The following SLC7A5 variants were observed in gnomAD, a reference collection of about 807,000 sequenced individuals.
The protein encoded by SLC7A5 is solute carrier family 7 member 5.
Under a neutral mutation model 50.2 loss-of-function variants are expected in SLC7A5, and 23 were observed. The ratio of observed to expected loss-of-function variants is 0.46; its 90% CI spans 0.33 to 0.65. SLC7A5 has a LOEUF of 0.65. Ranked by LOEUF, SLC7A5 falls within the 30% of genes least tolerant of loss-of-function variation. SLC7A5 has a pLI of 0.02. For synonymous variants in SLC7A5, 393 were observed against 330.6 expected, an observed-to-expected ratio of 1.19 and a Z score of -2.05; for missense variants, 578 against 684.4, an observed-to-expected ratio of 0.84 and a Z score of 1.73.
Position 87,850,633 on chromosome 16 carries a change from C to G in SLC7A5, c.664+1091G>C, listed in dbSNP as rs187256720. Among the ~76,000 whole-genome samples, 211 of 152,302 alleles carry G rather than the reference C, an allele frequency of 1.4e-3. 1 individual carries two copies. The highest frequency in any genetic ancestry group is 4.9e-3 in the African/African-American group (203 of 41,562). On this transcript the variant is annotated intron_variant, in intron 2 of 9. Coordinates refer to ENST00000261622, the MANE Select transcript of SLC7A5 (RefSeq NM_003486.7). ...TAACTGCTCTGCTCCTAGGCTGGCT[C>G]CAACATGGATGGAGACAAACTCAGA...
intron 1 of SLC7A5, among the ~76,000 whole-genome samples, chr16:87,859,405 C>G (rs57456556): frequency 0.22 from 33,102 of 152,140 alleles, 3,833 homozygotes; most frequent in Middle Eastern, 0.28. Flanking sequence ...AGGGACAAAG[C>G]TGGACTGGCC....
intron 2 of SLC7A5, among the ~76,000 whole-genome samples, chr16:87,848,266 T>A (rs1234753396): frequency 6.6e-6 from 1 of 152,246 alleles, no homozygotes; most frequent in Non-Finnish European, 1.5e-5. Flanking sequence ...GAGAGATTAG[T>A]TTGTTCTGCC....
At chr16:87,847,189 C>G (rs970935545) in intron 2 of SLC7A5, among the ~76,000 whole-genome samples, 1 of 152,210 alleles carries the variant, frequency 6.6e-6, no homozygotes, top group African/African-American at 2.4e-5. Flanking sequence ...AGGGGGGCTT[C>G]TCAGTCCACG....
chr16:87,864,697 G>C (rs1449911658), intron 1 of SLC7A5, among the ~76,000 whole-genome samples: 2 of 152,216 alleles, frequency 1.3e-5, no homozygotes, highest in Admixed American at 1.3e-4. Context: ...TAGGCTCCCT[G>C]CTGAGTCCTG....
At chr16:87,863,792 C>G (rs549093313) in intron 1 of SLC7A5, among the ~76,000 whole-genome samples, 6 of 151,712 alleles carry the variant, frequency 4.0e-5, no homozygotes, top group African/African-American at 1.5e-4. Context: ...AGACAGCCAG[C>G]AAAACTGAGA....
rs1424608563 is a variant in SLC7A5, at chr16:87,867,176, T to A, written c.538+1709A>T. 2.6e-5 allele frequency among the ~76,000 whole-genome samples: 4 copies of A among 152,176 alleles called. No individual in the cohort carries two copies. In the East Asian group the frequency reaches 7.7e-4, roughly 29 times the overall value. On this transcript the variant is annotated intron_variant, in intron 1 of 9. Coordinates refer to ENST00000261622, the MANE Select transcript of SLC7A5 (RefSeq NM_003486.7). ...CTCGGTAGATCCGCCCGTCTCGGCC[T>A]CCCAAAGTGCTGGGATTATAGGCGT...
chr16:87,845,307 G>A (rs1249833712), intron 2 of SLC7A5, among the ~76,000 whole-genome samples: 1 of 152,236 alleles, frequency 6.6e-6, no homozygotes, highest in Admixed American at 6.5e-5. Flanking sequence ...AGGGGGCTGT[G>A]AGTCCCATGT....
chr16:87,865,261 CA>C (rs2055445668), intron 1 of SLC7A5, among the ~76,000 whole-genome samples: 1 of 151,862 alleles, frequency 6.6e-6, no homozygotes, highest in African/African-American at 2.4e-5. Context: ...AGAAAAAAAA[CA>C]AGTACAAATG....
chr16:87,835,527 T>A (rs376645632), intron 8 of SLC7A5, among the ~76,000 whole-genome samples: 2 of 152,226 alleles, frequency 1.3e-5, no homozygotes, highest in Admixed American at 1.3e-4. Context: ...TCTCACTCTG[T>A]CGTCCAGGCT....
rs73251396 is a variant in SLC7A5 at position 87,845,404 on chromosome 16, G to C, written c.665-4249C>G. On this transcript the variant is annotated intron_variant, in intron 2 of 9. Coordinates refer to ENST00000261622, the MANE Select transcript of SLC7A5 (RefSeq NM_003486.7). ...TGGGTTCAGTCCAGAGCCCAGGCCA[G>C]AGTCCATGCCCACCCCACAGAGTCC... Among the ~76,000 whole-genome samples the C allele has an allele frequency of 3.6e-3, 543 of 152,128 alleles. 2 individuals are homozygous for C. Among genetic ancestry groups the C allele is most frequent in the African/African-American group, 0.013 (521 of 41,458 alleles).
chr16:87,843,521 G>A (rs1464633457), intron 2 of SLC7A5, among the ~76,000 whole-genome samples: 2 of 151,958 alleles, frequency 1.3e-5, no homozygotes, highest in African/African-American at 4.8e-5. Flanking sequence ...TTGCAGCCCA[G>A]GGCAGCTGGA....
chr16:87,861,278 G>A lies in SLC7A5; in HGVS notation c.538+7607C>T, dbSNP rs1419088876. 6.6e-6 allele frequency among the ~76,000 whole-genome samples: 1 copy of A among 152,104 alleles called. No homozygotes were observed. The highest frequency in any genetic ancestry group is 1.5e-5 in the Non-Finnish European group (1 of 67,994). On this transcript the variant is annotated intron_variant, in intron 1 of 9. Coordinates refer to ENST00000261622, the MANE Select transcript of SLC7A5 (RefSeq NM_003486.7). The surrounding 1 kb of genome is among the most constrained non-coding windows in gnomAD (Gnocchi z 4.2). Reference sequence around the variant, plus strand: ...ATGGAGAAGGGTGGAGGAGCGCAAAGGGCCCCTAGGGGATGCTGGGGAACA... The same window carrying A: ...ATGGAGAAGGGTGGAGGAGCGCAAAAGGCCCCTAGGGGATGCTGGGGAACA...
rs1328474376 is a variant in SLC7A5 at position 87,832,911 on chromosome 16, G to A, written c.*59C>T. The A allele has an allele frequency of 3.6e-6, 5 of 1,401,788 alleles. No homozygotes were observed. The highest frequency in any genetic ancestry group is 4.1e-6 in the Non-Finnish European group (4 of 987,150). 86.8% of individuals were successfully genotyped at this position (1,401,788 alleles called of 1,614,324 possible). ...CGGGGAACCGGAGTGGGTTCGAGGAGGTGATCTACTTTAACTGGCCTCTGC... is the reference window on the plus strand; with the variant it reads ...CGGGGAACCGGAGTGGGTTCGAGGAAGTGATCTACTTTAACTGGCCTCTGC... On this transcript the variant is annotated 3_prime_UTR_variant, in exon 10 of 10. Transcript: ENST00000261622. The surrounding 1 kb of genome is among the most constrained non-coding windows in gnomAD (Gnocchi z 4.6).
rs189473933 is a variant in SLC7A5 at position 87,853,836 on chromosome 16, A to T, written c.539-1987T>A. 6.6e-6 allele frequency: 1 copy of T among 152,178 alleles called. No individual in the cohort carries two copies. Among genetic ancestry groups the T allele is most frequent in the Admixed American group, 6.5e-5 (1 of 15,270 alleles). 9.4% of individuals were successfully genotyped at this position (152,178 alleles called of 1,614,324 possible). A position where few individuals can be genotyped will look rare whatever the true frequency, so the allele number is the denominator to read the frequency against. ...GCCTCTCCCCAAAAGGGAGAGAGGC[A>T]CGCTGCCACCACTGAACTCCAGACA... On this transcript the variant is annotated intron_variant, in intron 1 of 9. Coordinates refer to ENST00000261622, the MANE Select transcript of SLC7A5 (RefSeq NM_003486.7). This position sits in a 1 kb window ranked among gnomAD's most constrained non-coding sequence, Gnocchi z 4.4.
rs1008247903 is a variant in SLC7A5 at position 87,852,802 on chromosome 16, G to A, written c.539-953C>T. Among the ~76,000 whole-genome samples, 1 of 151,928 alleles carries A rather than the reference G, an allele frequency of 6.6e-6. No individual in the cohort carries two copies. Among genetic ancestry groups the A allele is most frequent in the South Asian group, 2.1e-4 (1 of 4,824 alleles). ...TGCGCACGCTGAGCCACTATTCAGG[G>A]ATCTGTGAGCTGGTGGGGAAACAGC... On this transcript the variant is annotated intron_variant, in intron 1 of 9. Transcript: ENST00000261622. This position sits in a 1 kb window ranked among gnomAD's most constrained non-coding sequence, Gnocchi z 4.5.
Position 87,836,745 on chromosome 16 carries a change from A to T in SLC7A5, c.1141-98T>A, listed in dbSNP as rs116078673. The T allele has an allele frequency of 4.2e-3, 5,500 of 1,298,086 alleles. 12 individuals are homozygous for T. Among genetic ancestry groups the T allele is most frequent in the Non-Finnish European group, 5.5e-3 (4,986 of 910,296 alleles). The allele number at this position is 1,298,086 out of a possible 1,614,324, so 80.4% of individuals were successfully genotyped here. Reference sequence around the variant, plus strand: ...GGGACTGTCCAGCCTGGCTGGGCCCAGCTGAGCACCAGGGAATTTTGTTTT... The same window carrying T: ...GGGACTGTCCAGCCTGGCTGGGCCCTGCTGAGCACCAGGGAATTTTGTTTT... On this transcript the variant is annotated intron_variant, in intron 7 of 9. Coordinates refer to ENST00000261622, the MANE Select transcript of SLC7A5 (RefSeq NM_003486.7).
chr16:87,832,984 G>A lies in SLC7A5; in HGVS notation c.1510C>T (p.Pro504Ser). 2 of 1,613,842 alleles carry A rather than the reference G, an allele frequency of 1.2e-6. No homozygotes were observed. The highest frequency in any genetic ancestry group is 1.7e-6 in the Non-Finnish European group (2 of 1,179,862). The change falls in exon 10 of 10, where the codon CCC (proline) becomes TCC (serine). Residue 504 changes from proline (P) to serine (S), a missense_variant. Coordinates refer to ENST00000261622, the MANE Select transcript of SLC7A5 (RefSeq NM_003486.7). The surrounding 1 kb of genome is among the most constrained non-coding windows in gnomAD (Gnocchi z 4.6). The stretch of plus-strand genomic sequence containing the variant: ...CGGCCTCCTGGCTATGTCTCCTGGG[G>A]GACCACCTGCATGAGCTTCTGACAC... ...VLCQKLMQVV[P>S]QET
chr16:87,855,934 C>T (rs2055312678), intron 1 of SLC7A5, among the ~76,000 whole-genome samples: 1 of 152,198 alleles, frequency 6.6e-6, no homozygotes. Context: ...TCTCTGTTGG[C>T]CACAGAGGCT....
rs2054950168 is a variant in SLC7A5, at chr16:87,832,886, CG to C, written c.*83del. ...GGATGGGCAGCTGAGCTGTGGGTTG[CG>C]GGGAACCGGAGTGGGTTCGAGGAGG... On this transcript the variant is annotated 3_prime_UTR_variant, in exon 10 of 10. Coordinates refer to ENST00000261622, the MANE Select transcript of SLC7A5 (RefSeq NM_003486.7). The surrounding 1 kb of genome is among the most constrained non-coding windows in gnomAD (Gnocchi z 4.6). 6 of 1,122,744 alleles carry C rather than the reference CG, an allele frequency of 5.3e-6. No individual in the cohort carries two copies. The Admixed American group carries it at 1.0e-4, about 19-fold the overall frequency. 69.5% of individuals were successfully genotyped at this position (1,122,744 alleles called of 1,614,324 possible).
Sources: gnomAD v4.1 joint callset for allele counts (sites outside exome capture counted in the v4.1 genomes callset) on GRCh38, gnomAD v4.1.1 for gene constraint, Gnocchi (gnomAD v3.1) non-coding constraint, MANE v1.5 for transcripts, NCBI Gene and HGNC (gene_info 2026-07-23, HGNC 2026-07-21) for gene names.